The following CPNE8 variants were observed in gnomAD, a reference collection of about 807,000 sequenced individuals.
CPNE8 encodes copine 8.
Under a neutral mutation model 81.5 loss-of-function variants are expected in CPNE8, and 45 were observed. The ratio of observed to expected loss-of-function variants is 0.55; its 90% CI spans 0.44 to 0.71. CPNE8 has a LOEUF of 0.71. Among genes scored for constraint, CPNE8 ranks in the 30% least tolerant of loss-of-function variants. CPNE8 has a pLI of 0.00. For synonymous variants in CPNE8, 252 were observed against 226.3 expected, an observed-to-expected ratio of 1.11 and a Z score of -1.02; for missense variants, 594 against 672.1, an observed-to-expected ratio of 0.88 and a Z score of 1.28.
chr12:38,680,101 G>A (rs183742525), intron 16 of CPNE8, among the ~76,000 whole-genome samples: 62 of 151,970 alleles, frequency 4.1e-4, no homozygotes, highest in African/African-American at 1.4e-3. Flanking sequence ...ATATCTGAAA[G>A]AGAGGTTAAC....
At chr12:38,823,094 T>C (rs937090100) in intron 6 of CPNE8, among the ~76,000 whole-genome samples, 1 of 152,192 alleles carries the variant, frequency 6.6e-6, no homozygotes, top group African/African-American at 2.4e-5. Flanking sequence ...GATCTCTAAG[T>C]GCATTCACAG....
chr12:38,891,229 C>A (rs1944310508), intron 1 of CPNE8, among the ~76,000 whole-genome samples: 1 of 152,028 alleles, frequency 6.6e-6, no homozygotes, highest in Non-Finnish European at 1.5e-5. Context: ...CTGCGCCTGG[C>A]CAAATTATCC....
At chr12:38,884,212 C>A (rs182695139) in intron 1 of CPNE8, among the ~76,000 whole-genome samples, 6 of 152,248 alleles carry the variant, frequency 3.9e-5, no homozygotes, top group African/African-American at 1.4e-4. Flanking sequence ...CTTCCCCGAG[C>A]CCCTGGTAAC....
chr12:38,807,088 A>C (rs1942826549), intron 6 of CPNE8, among the ~76,000 whole-genome samples: 1 of 152,156 alleles, frequency 6.6e-6, no homozygotes, highest in Admixed American at 6.6e-5. Flanking sequence ...ACCACTGCTT[A>C]AGGAAATAAA....
At chr12:38,857,641 A>G (rs907183704) in intron 3 of CPNE8, among the ~76,000 whole-genome samples, 4 of 152,184 alleles carry the variant, frequency 2.6e-5, no homozygotes, top group Non-Finnish European at 5.9e-5. Flanking sequence ...GGCTAGAGGT[A>G]GTGGCTCACG....
At chr12:38,705,008 G>T in intron 13 of CPNE8, among the ~76,000 whole-genome samples, 1 of 140,362 alleles carries the variant, frequency 7.1e-6, no homozygotes, top group African/African-American at 2.6e-5. Flanking sequence ...GACTCTATAT[G>T]TAATTCCATC....
At chr12:38,825,399 G>C (rs1857032373) in intron 6 of CPNE8, among the ~76,000 whole-genome samples, 1 of 152,030 alleles carries the variant, frequency 6.6e-6, no homozygotes, top group Non-Finnish European at 1.5e-5. Flanking sequence ...TGAAGTACAT[G>C]GAAGAGCAGG....
intron 1 of CPNE8, among the ~76,000 whole-genome samples, chr12:38,892,404 A>C (rs1390958156): frequency 6.6e-6 from 1 of 152,236 alleles, no homozygotes; most frequent in African/African-American, 2.4e-5. Flanking sequence ...AAACATGTGA[A>C]GCTCACTACA....
intron 10 of CPNE8, among the ~76,000 whole-genome samples, chr12:38,745,087 T>C (rs2136807116): frequency 6.6e-6 from 1 of 152,328 alleles, no homozygotes; most frequent in South Asian, 2.1e-4. Flanking sequence ...ATACATACTA[T>C]CCAGTCTGTC....
chr12:38,863,465 G>A (rs1943870447), intron 3 of CPNE8, among the ~76,000 whole-genome samples: 1 of 152,178 alleles, frequency 6.6e-6, no homozygotes, highest in South Asian at 2.1e-4. Flanking sequence ...TCAAACAGAA[G>A]TAATGAGGCT....
chr12:38,840,712 A>G (rs1943455686), intron 4 of CPNE8, among the ~76,000 whole-genome samples: 1 of 152,140 alleles, frequency 6.6e-6, no homozygotes, highest in African/African-American at 2.4e-5. Flanking sequence ...GAAAACATAC[A>G]TTTTATGGAA....
intron 6 of CPNE8, among the ~76,000 whole-genome samples, chr12:38,786,814 C>A (rs903933211): frequency 6.6e-6 from 1 of 152,050 alleles, no homozygotes; most frequent in Non-Finnish European, 1.5e-5. Flanking sequence ...ACATACCCAC[C>A]TAACAATGGA....
intron 5 of CPNE8, among the ~76,000 whole-genome samples, chr12:38,834,830 A>G (rs1295772164): frequency 6.6e-6 from 1 of 151,790 alleles, no homozygotes; most frequent in Non-Finnish European, 1.5e-5. Context: ...TTCATCACTC[A>G]TAATATTTTA....
intron 6 of CPNE8, among the ~76,000 whole-genome samples, chr12:38,791,209 A>C (rs1942314567): frequency 6.6e-6 from 1 of 151,504 alleles, no homozygotes; most frequent in Non-Finnish European, 1.5e-5. Flanking sequence ...AGTCACTTGA[A>C]CTCAGAACAG....
chr12:38,871,724 T>C (rs1006719443), intron 3 of CPNE8, among the ~76,000 whole-genome samples: 1 of 152,174 alleles, frequency 6.6e-6, no homozygotes, highest in Admixed American at 6.5e-5. Context: ...ACTACAAAAA[T>C]TGCAGTTTCA....
chr12:38,730,318 G>T lies in CPNE8; in HGVS notation c.763C>A (p.Leu255Ile). Reference protein sequence around the residue: ...IGEFTTSYRELSRGQSQFNVY... With the variant: ...IGEFTTSYREISRGQSQFNVY... ...TTGAATTGTGACTGCCCTCTAGAAA[G>T]TTCCCTATAGCTTGTTGTAAATTCT... Residue 255 changes from leucine (L) to isoleucine (I), a missense_variant, in exon 11 of 20, where the codon CTT (leucine) becomes ATT (isoleucine). By Grantham distance (5) the Leu-to-Ile change is conservative. Coordinates refer to ENST00000331366, the MANE Select transcript of CPNE8 (RefSeq NM_153634.3). 1 of 1,598,248 alleles carries T rather than the reference G, an allele frequency of 6.3e-7. No individual in the cohort carries two copies. Among genetic ancestry groups the T allele is most frequent in the Non-Finnish European group, 8.6e-7 (1 of 1,167,372 alleles).
chr12:38,745,532 A>G (rs1282113390), intron 10 of CPNE8, among the ~76,000 whole-genome samples: 1 of 152,188 alleles, frequency 6.6e-6, no homozygotes, highest in Non-Finnish European at 1.5e-5. Context: ...TTGTTAAAAC[A>G]TAACCAAGTG....
At chr12:38,816,549 C>G (rs1229671762) in intron 6 of CPNE8, among the ~76,000 whole-genome samples, 1 of 151,924 alleles carries the variant, frequency 6.6e-6, no homozygotes, top group African/African-American at 2.4e-5. Flanking sequence ...TTTAGCAGAC[C>G]TGCTTAAGAA....
chr12:38,890,025 A>C (rs1228047846), intron 1 of CPNE8, among the ~76,000 whole-genome samples: 1 of 152,232 alleles, frequency 6.6e-6, no homozygotes, highest in African/African-American at 2.4e-5. Context: ...ATGCTGCCAA[A>C]ATGAAAATGA....
Sources: gnomAD v4.1 joint callset for allele counts (sites outside exome capture counted in the v4.1 genomes callset) on GRCh38, gnomAD v4.1.1 for gene constraint, MANE v1.5 for transcripts, NCBI Gene and HGNC (gene_info 2026-07-23, HGNC 2026-07-21) for gene names.